Variants in BICDL1 observed in about 807,000 individuals in gnomAD.
The protein encoded by BICDL1 is BICD family like cargo adaptor 1.
A neutral mutation model predicts 76.8 loss-of-function variants in BICDL1; 20 were observed. The ratio of observed to expected loss-of-function variants is 0.26; its 90% CI spans 0.18 to 0.38. BICDL1 has a LOEUF of 0.38. Among genes scored for constraint, BICDL1 ranks in the 10% least tolerant of loss-of-function variants. The pLI is 1.00. For missense variants in BICDL1, 700 were observed against 798.6 expected (o/e 0.88, Z 1.49); for synonymous variants, 383 against 337.1 (o/e 1.14, Z -1.49).
At chr12:120,092,311 T>C (rs1875041033) in intron 9 of BICDL1, 2 of 985,168 alleles carry the variant, frequency 2.0e-6, no homozygotes, top group Non-Finnish European at 2.4e-6. Flanking sequence ...CGAATTCGAG[T>C]TGGGGGACGG....
chr12:120,062,674 T>C (rs758224732), intron 3 of BICDL1, among the ~76,000 whole-genome samples: 133 of 152,182 alleles, frequency 8.7e-4, no homozygotes, highest in Non-Finnish European at 8.1e-4. Context: ...CTAAAGTCTG[T>C]CAATATCTTC....
rs1048474160 is a variant in BICDL1 at position 120,091,106 on chromosome 12, C to G, written c.1704+1035C>G. On this transcript the variant is annotated intron_variant, in intron 9 of 9. Coordinates refer to ENST00000548673, the MANE Select transcript of BICDL1 (RefSeq NM_001367886.1). The stretch of plus-strand genomic sequence containing the variant: ...GCCTCCCCTCATGGCCCACTGTGTT[C>G]TGTGTGCTGGAGCCTGGCGTCATCT... The G allele has an allele frequency of 3.3e-5, 42 of 1,270,620 alleles. 1 individual carries two copies. The Admixed American group carries it at 4.8e-4, about 14-fold the overall frequency. The allele number at this position is 1,270,620 out of a possible 1,614,324, so 78.7% of individuals were successfully genotyped here. A position where few individuals can be genotyped will look rare whatever the true frequency, so the allele number is the denominator to read the frequency against.
chr12:120,070,026 A>G (rs1366368508), intron 4 of BICDL1, among the ~76,000 whole-genome samples: 1 of 152,188 alleles, frequency 6.6e-6, no homozygotes, highest in African/African-American at 2.4e-5. Context: ...ATGTGAACAT[A>G]CCGCAATTCA....
chr12:120,062,332 A>G (rs1457869069), intron 3 of BICDL1, among the ~76,000 whole-genome samples: 2 of 152,154 alleles, frequency 1.3e-5, no homozygotes, highest in African/African-American at 4.8e-5. Context: ...GGCCAGGATG[A>G]GGGGAAAAAG....
chr12:119,996,923 A>G (rs530119048), intron 1 of BICDL1, among the ~76,000 whole-genome samples: 2 of 151,988 alleles, frequency 1.3e-5, no homozygotes, highest in African/African-American at 4.8e-5. Context: ...TTTCAGAGGC[A>G]TGCATATTTA....
chr12:120,035,085 C>G (rs1402404917), intron 2 of BICDL1, among the ~76,000 whole-genome samples: 1 of 152,172 alleles, frequency 6.6e-6, no homozygotes, highest in Non-Finnish European at 1.5e-5. Flanking sequence ...CCTCTAATCC[C>G]AGCACTTTGG....
Position 120,090,047 on chromosome 12 carries a change from C to T in BICDL1, c.1680C>T (p.Leu560=), listed in dbSNP as rs1874830339. 1.9e-6 allele frequency: 3 copies of T among 1,614,122 alleles called. No homozygotes were observed. In the East Asian group the frequency reaches 6.7e-5, roughly 36 times the overall value. ...ATGCCATTCAGCAGAAACTGAACCTCTCGCAGCAGCTGGAAGCTTGGCAGG... is the reference window on the plus strand; with the variant it reads ...ATGCCATTCAGCAGAAACTGAACCTTTCGCAGCAGCTGGAAGCTTGGCAGG... ...LLDAIQQKLN[L]SQQLEAWQDD... Residue 560 remains leucine, a synonymous_variant, in exon 9 of 10, where the codon CTC becomes CTT. Transcript: ENST00000548673.
intron 1 of BICDL1, among the ~76,000 whole-genome samples, chr12:119,991,071 G>A (rs1951512155): frequency 6.6e-6 from 1 of 151,808 alleles, no homozygotes; most frequent in South Asian, 2.1e-4. Flanking sequence ...AGAGTTGTTT[G>A]TTTTCTTGCC....
intron 8 of BICDL1, among the ~76,000 whole-genome samples, chr12:120,087,997 T>C (rs1344260416): frequency 2.0e-5 from 3 of 152,178 alleles, no homozygotes; most frequent in Non-Finnish European, 4.4e-5. Flanking sequence ...TGGCGTGATC[T>C]TGGCTCACTG....
At chr12:119,998,475 CTG>C (rs1951696732) in intron 1 of BICDL1, 44 bp from the exon 2 acceptor site, 1 of 1,503,722 alleles carries the variant, frequency 6.7e-7, no homozygotes, top group African/African-American at 1.4e-5. Context: ...AAATAAAAGG[CTG>C]TGGAATTTTT....
intron 7 of BICDL1, among the ~76,000 whole-genome samples, chr12:120,078,926 G>A (rs1214807198): frequency 1.3e-5 from 2 of 152,248 alleles, no homozygotes; most frequent in African/African-American, 4.8e-5. Flanking sequence ...CAGGTGCTTT[G>A]TAGGTCTTGA....
intron 8 of BICDL1, among the ~76,000 whole-genome samples, chr12:120,083,859 G>C (rs144579537): frequency 6.6e-6 from 1 of 151,536 alleles, no homozygotes; most frequent in African/African-American, 2.4e-5. Flanking sequence ...CAGCATGTTG[G>C]TCAAGCTGGT....
At chr12:120,025,251 C>G (rs1022788908) in intron 2 of BICDL1, among the ~76,000 whole-genome samples, 1 of 151,674 alleles carries the variant, frequency 6.6e-6, no homozygotes, top group Non-Finnish European at 1.5e-5. Context: ...GGGGTTTCAC[C>G]GTGTTAGCCA....
At chr12:120,077,986 C>T (rs902339847) in intron 7 of BICDL1, among the ~76,000 whole-genome samples, 9 of 152,210 alleles carry the variant, frequency 5.9e-5, no homozygotes, top group African/African-American at 2.2e-4. Context: ...GCCCCCTTTG[C>T]TTTAGCAGAA....
chr12:120,012,072 T>A (rs1033008247), intron 2 of BICDL1, among the ~76,000 whole-genome samples: 1 of 152,196 alleles, frequency 6.6e-6, no homozygotes, highest in African/African-American at 2.4e-5. Flanking sequence ...CTGGTAACTT[T>A]GTAATGCTGC....
intron 2 of BICDL1, among the ~76,000 whole-genome samples, chr12:120,001,454 G>C (rs1266903370): frequency 1.3e-5 from 2 of 151,918 alleles, no homozygotes; most frequent in Admixed American, 1.3e-4. Flanking sequence ...TACTGTGTTA[G>C]CCAGGATGGT....
At chr12:120,021,118 A>T (rs889464040) in intron 2 of BICDL1, among the ~76,000 whole-genome samples, 1 of 152,060 alleles carries the variant, frequency 6.6e-6, no homozygotes, top group African/African-American at 2.4e-5. Context: ...CCCTGTCTCT[A>T]CTAAAAATAC....
chr12:120,031,711 A>C (rs1302623381), intron 2 of BICDL1, among the ~76,000 whole-genome samples: 1 of 152,204 alleles, frequency 6.6e-6, no homozygotes, highest in East Asian at 1.9e-4. Context: ...AACAAAATCA[A>C]GACTAGAGTC....
chr12:120,007,950 A>G (rs1234587409), intron 2 of BICDL1, among the ~76,000 whole-genome samples: 2 of 152,156 alleles, frequency 1.3e-5, no homozygotes, highest in African/African-American at 4.8e-5. Flanking sequence ...TGGGGGCTGT[A>G]TTATTTGTTT....
Sources: allele counts gnomAD v4.1 joint callset (sites outside exome capture counted in the v4.1 genomes callset), GRCh38; gene constraint gnomAD v4.1.1; transcripts MANE v1.5; gene names NCBI Gene and HGNC (gene_info 2026-07-23, HGNC 2026-07-21).